SEC14L5: variants seen among roughly 807,000 people sequenced by gnomAD.
The protein encoded by SEC14L5 is SEC14 like lipid binding 5, also known as SEC14-like protein 5.
In SEC14L5, 96 loss-of-function variants were observed where a neutral mutation model predicts 84.6. The observed-to-expected ratio is 1.13, with a 90% confidence interval of 0.96 to 1.34. The LOEUF is 1.34. Ranked by LOEUF, SEC14L5 falls within the 40% of genes most tolerant of loss-of-function variation. The pLI is 0.00. For synonymous variants in SEC14L5, 546 were observed against 383.4 expected (o/e 1.42, Z -4.95); for missense variants, 1,224 against 942.5 (o/e 1.30, Z -3.91).
At position 5,016,694 on chromosome 16, in the gene SEC14L5, A is replaced by G. The variant is rs1241743513; in HGVS notation, c.*1724A>G. 1 of 152,192 alleles carries G rather than the reference A, an allele frequency of 6.6e-6. No homozygotes were observed. The highest frequency in any genetic ancestry group is 2.4e-5 in the African/African-American group (1 of 41,454). 9.4% of individuals were successfully genotyped at this position (152,192 alleles called of 1,614,324 possible). ...GGGTGGTTTTGTGGCCACAAGAATC[A>G]TCTTTATGCAGGCTCAGCAATGCAG... On this transcript the variant is annotated 3_prime_UTR_variant, in exon 16 of 16. Coordinates refer to ENST00000251170, the MANE Select transcript of SEC14L5 (RefSeq NM_014692.2).
At chr16:4,981,262 T>G (rs1303213199) in intron 2 of SEC14L5, among the ~76,000 whole-genome samples, 3 of 80,646 alleles carry the variant, frequency 3.7e-5, no homozygotes, top group Non-Finnish European at 7.1e-5. Flanking sequence ...TTGGTTTTTT[T>G]TTTTTTTTTT....
chr16:5,017,094 C>T lies in SEC14L5; in HGVS notation c.*2124C>T, dbSNP rs1955883102. The T allele has an allele frequency of 6.7e-6, 1 of 150,142 alleles. No homozygotes were observed. Among genetic ancestry groups the T allele is most frequent in the South Asian group, 2.1e-4 (1 of 4,784 alleles). The allele number at this position is 150,142 out of a possible 1,614,324, so 9.3% of individuals were successfully genotyped here. ...AGTATGCTGGGATAAGCTGCCCTGGCAGTCTTTATACATTTATTGTCTAGC... is the reference window on the plus strand; with the variant it reads ...AGTATGCTGGGATAAGCTGCCCTGGTAGTCTTTATACATTTATTGTCTAGC... On this transcript the variant is annotated 3_prime_UTR_variant, in exon 16 of 16. Transcript: ENST00000251170.
intron 2 of SEC14L5, among the ~76,000 whole-genome samples, chr16:4,984,581 T>C (rs1410793794): frequency 3.3e-5 from 5 of 152,264 alleles, no homozygotes; most frequent in Admixed American, 3.3e-4. Flanking sequence ...ATATGGTAAC[T>C]CTTTGTTTAA....
rs145531258 is a variant in SEC14L5 at position 4,991,891 on chromosome 16, G to A, written c.528G>A (p.Ser176=). ...YLNELISQGT[S]HIPRWTPAPV... is the part of the protein sequence containing the mutation. ...ATGAGCTCATCTCCCAGGGTACCTC[G>A]CACATTCCGCGCTGGACGCCTGCCC... is the stretch of plus-strand genomic sequence containing the variant. The change falls in exon 6 of 16, where the codon TCG becomes TCA. Residue 176 remains serine (S), a synonymous_variant. Coordinates refer to ENST00000251170, the MANE Select transcript of SEC14L5 (RefSeq NM_014692.2). 14 of 1,609,554 alleles carry A rather than the reference G, an allele frequency of 8.7e-6. No individual in the cohort carries two copies. Among genetic ancestry groups the A allele is most frequent in the South Asian group, 4.4e-5 (4 of 90,338 alleles).
At position 5,008,603 on chromosome 16, in the gene SEC14L5, C is replaced by G. The variant is rs777068216; in HGVS notation, c.1755C>G (p.Ser585Arg). The change falls in exon 14 of 16, where the codon AGC becomes AGG. Residue 585 changes from serine (S) to arginine (R), a missense_variant. By Grantham distance (110) the Ser-to-Arg change is moderately radical. Transcript: ENST00000251170. ...DKGWVLGRDY[S>R]RVEAPLVCRE... ...GCTGGGTCCTGGGCAGGGATTACAGCCGTGTGGAGGCTCCCCTTGTCTGCC... is the reference window on the plus strand; with the variant it reads ...GCTGGGTCCTGGGCAGGGATTACAGGCGTGTGGAGGCTCCCCTTGTCTGCC... The G allele has an allele frequency of 6.2e-7, 1 of 1,603,972 alleles. No homozygotes were observed. The highest frequency in any genetic ancestry group is 2.2e-5 in the East Asian group (1 of 44,828).
At chr16:4,981,680 C>T (rs1290159955) in intron 2 of SEC14L5, among the ~76,000 whole-genome samples, 1 of 152,090 alleles carries the variant, frequency 6.6e-6, no homozygotes, top group Non-Finnish European at 1.5e-5. Flanking sequence ...GGACTGGGCC[C>T]AACTGGGATT....
chr16:4,969,056 A>G (rs1955240936), intron 2 of SEC14L5, among the ~76,000 whole-genome samples: 1 of 152,264 alleles, frequency 6.6e-6, no homozygotes, highest in East Asian at 1.9e-4. Flanking sequence ...ATGAGTTTAA[A>G]TTAGCTCCCT....
chr16:4,973,834 C>T (rs142286983), intron 2 of SEC14L5, among the ~76,000 whole-genome samples: 1 of 152,144 alleles, frequency 6.6e-6, no homozygotes, highest in East Asian at 1.9e-4. Flanking sequence ...AGGTGCATGC[C>T]ACCATGCCCA....
intron 2 of SEC14L5, among the ~76,000 whole-genome samples, chr16:4,962,536 G>A (rs1476065637): frequency 1.3e-5 from 2 of 151,958 alleles, no homozygotes; most frequent in Non-Finnish European, 2.9e-5. Flanking sequence ...AAAAATACAA[G>A]AATTAGCTGG....
At chr16:5,006,871 G>A (rs891686442) in intron 12 of SEC14L5, among the ~76,000 whole-genome samples, 3 of 151,944 alleles carry the variant, frequency 2.0e-5, no homozygotes, top group African/African-American at 7.3e-5. Context: ...TGGTGGCAGG[G>A]GGAGTTCTGC....
In SEC14L5 at chr16:4,987,501, G is replaced by GGT. The variant is rs938708603; in HGVS notation, c.64-55_64-54insTG. ...CAGCAGATAAGGAGGTCGCGCTGGG[G>GGT]GGGGGGGTCCCTCTGCCCCCCCCAC... On this transcript the variant is annotated intron_variant, in intron 2 of 15. Transcript: ENST00000251170. 2.8e-6 allele frequency: 4 copies of GGT among 1,423,844 alleles called. 1 individual carries two copies. Among genetic ancestry groups the GGT allele is most frequent in the Non-Finnish European group, 2.8e-6 (3 of 1,064,688 alleles). 88.2% of individuals were successfully genotyped at this position (1,423,844 alleles called of 1,614,324 possible).
intron 8 of SEC14L5, among the ~76,000 whole-genome samples, chr16:4,999,332 C>G (rs892742043): frequency 3.3e-5 from 5 of 152,200 alleles, no homozygotes; most frequent in African/African-American, 1.2e-4. Context: ...AAGCCGGGCG[C>G]AGTGGCTCAC....
rs981906563 is a variant in SEC14L5, at chr16:4,999,842, G to C, written c.971-813G>C. 8.6e-5 allele frequency among the ~76,000 whole-genome samples: 13 copies of C among 152,004 alleles called. 1 individual carries two copies. The highest frequency in any genetic ancestry group is 1.6e-4 in the Non-Finnish European group (11 of 68,006). On this transcript the variant is annotated intron_variant, in intron 8 of 15. Coordinates refer to ENST00000251170, the MANE Select transcript of SEC14L5 (RefSeq NM_014692.2). The stretch of plus-strand genomic sequence containing the variant: ...AGGTGTGAGAATCGCTTGAACCTGG[G>C]AGGCAGAGGTTGCAGTGAGCTGAGA...
chr16:4,972,785 T>C (rs1416470343), intron 2 of SEC14L5, among the ~76,000 whole-genome samples: 1 of 152,260 alleles, frequency 6.6e-6, no homozygotes, highest in African/African-American at 2.4e-5. Context: ...GTGTAAATGA[T>C]GCTGCTGTGA....
intron 2 of SEC14L5, among the ~76,000 whole-genome samples, chr16:4,987,248 G>C (rs1955498579): frequency 7.0e-6 from 1 of 143,060 alleles, no homozygotes; most frequent in Non-Finnish European, 1.5e-5. Context: ...TTTCTCAAAT[G>C]CTTTTCCTGA....
rs1457147934 is a variant in SEC14L5, at chr16:5,003,399, C to T, written c.1131-3C>T. 1.2e-6 allele frequency: 2 copies of T among 1,611,236 alleles called. No individual in the cohort carries two copies. Among genetic ancestry groups the T allele is most frequent in the South Asian group, 1.1e-5 (1 of 90,980 alleles). ...GGTGGAGCTGGGGCTATTTCTGCCA[C>T]AGCTCCTGGACCTGCCTGCTAGACC... is the stretch of plus-strand genomic sequence containing the variant. On this transcript the variant is annotated splice_region_variant and splice_polypyrimidine_tract_variant and intron_variant, in intron 10 of 15. Transcript: ENST00000251170.
At chr16:5,008,744 C>T in intron 14 of SEC14L5, 96 bp downstream of exon 14, 1 of 1,096,458 alleles carries the variant, frequency 9.1e-7, no homozygotes. Flanking sequence ...ACATACTGGG[C>T]TGCTGGTCCC....
At chr16:5,005,385 C>T (rs1369255624) in intron 11 of SEC14L5, among the ~76,000 whole-genome samples, 1 of 150,056 alleles carries the variant, frequency 6.7e-6, no homozygotes, top group Non-Finnish European at 1.5e-5. Context: ...TGGGTGGTTG[C>T]CCTGGGTTGG....
In SEC14L5 at chr16:5,000,939, C is replaced by G. The variant is rs773345421; in HGVS notation, c.1130+14C>G. The stretch of plus-strand genomic sequence containing the variant: ...CCGTCCCATCAGGCAAACACCTGGG[C>G]TGGGCACAAATCCCCCCTAAACAGC... On this transcript the variant is annotated intron_variant, in intron 10 of 15. Coordinates refer to ENST00000251170, the MANE Select transcript of SEC14L5 (RefSeq NM_014692.2). 1.9e-6 allele frequency: 3 copies of G among 1,593,574 alleles called. No individual in the cohort carries two copies. The highest frequency in any genetic ancestry group is 2.6e-6 in the Non-Finnish European group (3 of 1,168,538).
Sources: gnomAD v4.1 joint callset for allele counts (sites outside exome capture counted in the v4.1 genomes callset) on GRCh38, gnomAD v4.1.1 for gene constraint, MANE v1.5 for transcripts, NCBI Gene and HGNC (gene_info 2026-07-23, HGNC 2026-07-21) for gene names.